Variants in RAI14 observed in about 807,000 individuals in gnomAD.
RAI14 encodes the protein ankycorbin.
In RAI14, 45 loss-of-function variants were observed where a neutral mutation model predicts 115.4. The ratio of observed to expected loss-of-function variants is 0.39; its 90% CI spans 0.31 to 0.50. The LOEUF (loss-of-function observed/expected upper bound fraction) is 0.50, where lower values mean the gene tolerates loss of function less well. RAI14 is among the 20% of genes least tolerant of loss of function. The pLI is 0.85. For missense variants in RAI14, 939 were observed against 1,131.2 expected (o/e 0.83, Z 2.44); for synonymous variants, 371 against 415.4 (o/e 0.89, Z 1.30).
intron 1 of RAI14, 153 bp downstream of exon 1, chr5:34,656,628 C>G (rs1302134776): frequency 6.6e-6 from 1 of 152,390 alleles, no homozygotes; most frequent in African/African-American, 2.4e-5. Context: ...CGCCACCTCT[C>G]CCTGGTCCAC....
intron 13 of RAI14, among the ~76,000 whole-genome samples, chr5:34,819,266 T>C (rs1408741851): frequency 6.6e-6 from 1 of 152,222 alleles, no homozygotes; most frequent in Non-Finnish European, 1.5e-5. Flanking sequence ...TTAGACCTGC[T>C]GCCAGATCTT....
intron 1 of RAI14, among the ~76,000 whole-genome samples, chr5:34,663,338 G>A (rs1016389947): frequency 2.0e-5 from 3 of 152,076 alleles, no homozygotes; most frequent in East Asian, 1.9e-4. Flanking sequence ...GAAACATGGC[G>A]AAACTTTGTC....
intron 2 of RAI14, among the ~76,000 whole-genome samples, chr5:34,747,738 A>G (rs1746474012): frequency 6.6e-6 from 1 of 152,214 alleles, no homozygotes; most frequent in Non-Finnish European, 1.5e-5. Flanking sequence ...TAAAGAGGTT[A>G]ATTAATAGTA....
chr5:34,731,258 T>C (rs558197522), intron 2 of RAI14, among the ~76,000 whole-genome samples: 1 of 152,270 alleles, frequency 6.6e-6, no homozygotes, highest in Non-Finnish European at 1.5e-5. Flanking sequence ...TTAAAATAAA[T>C]AGATAAAAAT....
At chr5:34,783,413 A>T (rs1037922812) in intron 3 of RAI14, among the ~76,000 whole-genome samples, 1 of 152,152 alleles carries the variant, frequency 6.6e-6, no homozygotes, top group East Asian at 1.9e-4. Context: ...GGTTTCAGGT[A>T]TCTTGATGGT....
intron 4 of RAI14, among the ~76,000 whole-genome samples, chr5:34,801,166 A>T (rs1754213524): frequency 6.6e-6 from 1 of 152,270 alleles, no homozygotes; most frequent in South Asian, 2.1e-4. Flanking sequence ...CTCTTCCTTC[A>T]TTTTTAAATT....
At chr5:34,771,743 G>A (rs12658204) in intron 3 of RAI14, among the ~76,000 whole-genome samples, 47,119 of 151,888 alleles carry the variant, frequency 0.31, 7,896 homozygotes, top group Middle Eastern at 0.41. Context: ...CTGTGCTTGG[G>A]TTATATCCCC....
intron 2 of RAI14, among the ~76,000 whole-genome samples, chr5:34,746,635 C>T (rs896442750): frequency 1.3e-5 from 2 of 151,942 alleles, no homozygotes; most frequent in Non-Finnish European, 2.9e-5. Context: ...GAACTCCTGA[C>T]CTCAAGGGAT....
intron 2 of RAI14, among the ~76,000 whole-genome samples, chr5:34,701,104 T>A (rs1319860591): frequency 1.3e-5 from 2 of 152,220 alleles, no homozygotes; most frequent in East Asian, 3.8e-4. Flanking sequence ...CTGATTTTTT[T>A]ATCTTGCACA....
chr5:34,823,653 C>A lies in RAI14; in HGVS notation c.1811C>A (p.Ala604Asp). Residue 604 changes from alanine to aspartate, a missense_variant, in exon 15 of 18, where the codon GCC (alanine) becomes GAC (aspartate). Ala to Asp is a moderately radical substitution (Grantham distance 126). Coordinates refer to ENST00000265109, the MANE Select transcript of RAI14 (RefSeq NM_015577.3). The surrounding 1 kb of genome is among the most constrained non-coding windows in gnomAD (Gnocchi z 4.5). ...KAFLFEKYQE[A>D]QEEIMKLKDT... ...TTTTTGTTTGAGAAATACCAAGAAG[C>A]CCAAGAAGAAATCATGAAATTAAAA... 1 of 1,613,596 alleles carries A rather than the reference C, an allele frequency of 6.2e-7. No homozygotes were observed. Among genetic ancestry groups the A allele is most frequent in the Non-Finnish European group, 8.5e-7 (1 of 1,179,934 alleles).
chr5:34,660,816 G>A (rs909516033), intron 1 of RAI14, among the ~76,000 whole-genome samples: 18 of 146,984 alleles, frequency 1.2e-4, no homozygotes, highest in African/African-American at 4.3e-4. Context: ...TCAGACACAT[G>A]TTACACATGC....
chr5:34,658,078 GCA>G lies in RAI14; in HGVS notation c.-49+1606_-49+1607del, dbSNP rs10551074. On this transcript the variant is annotated intron_variant, in intron 1 of 17. Coordinates refer to ENST00000265109, the MANE Select transcript of RAI14 (RefSeq NM_015577.3). Reference sequence around the variant, plus strand: ...GAGAGCTATCCCGTGCTGGGCTGTTGCACAGTTTTCATCTCCATTCACTGAGA... The same window carrying G: ...GAGAGCTATCCCGTGCTGGGCTGTTGCAGTTTTCATCTCCATTCACTGAGA... Among the ~76,000 whole-genome samples, 698 of 152,286 alleles carry G rather than the reference GCA, an allele frequency of 4.6e-3. 8 individuals are homozygous for G. The highest frequency in any genetic ancestry group is 0.016 in the African/African-American group (665 of 41,548).
intron 3 of RAI14, among the ~76,000 whole-genome samples, chr5:34,793,409 A>T (rs1489504217): frequency 6.6e-6 from 1 of 152,194 alleles, no homozygotes; most frequent in Non-Finnish European, 1.5e-5. Flanking sequence ...AAGAAGCCTC[A>T]GAGTAGAAAA....
At chr5:34,757,687 A>G in intron 3 of RAI14, 89 bp downstream of exon 3, 1 of 1,439,718 alleles carries the variant, frequency 6.9e-7, no homozygotes. Flanking sequence ...GGAATTTCAC[A>G]CGTGCTCCCT....
Position 34,823,533 on chromosome 5 carries a change from A to G in RAI14, c.1691A>G (p.Glu564Gly), listed in dbSNP as rs757914058. Residue 564 changes from glutamate (E) to glycine (G), a missense_variant, in exon 15 of 18, where the codon GAG becomes GGG. Transcript: ENST00000265109. The surrounding 1 kb of genome is among the most constrained non-coding windows in gnomAD (Gnocchi z 4.5). ...RELEEKLVER[E>G]KGTVIKPPVE... ...TTAGAGGAAAAACTGGTAGAGAGGG[A>G]GAAAGGTACAGTGATTAAGCCACCT... The G allele has an allele frequency of 6.2e-7, 1 of 1,614,200 alleles. No homozygotes were observed. Among genetic ancestry groups the G allele is most frequent in the Admixed American group, 1.7e-5 (1 of 60,028 alleles).
intron 5 of RAI14, among the ~76,000 whole-genome samples, chr5:34,804,098 C>T (rs889677717): frequency 3.3e-5 from 5 of 152,092 alleles, no homozygotes; most frequent in Admixed American, 1.3e-4. Flanking sequence ...TTTAAAACAT[C>T]GGTTTCTAAG....
chr5:34,664,437 A>G (rs1334987456), intron 1 of RAI14, among the ~76,000 whole-genome samples: 3 of 151,394 alleles, frequency 2.0e-5, no homozygotes, highest in Non-Finnish European at 4.4e-5. Context: ...AAAAGGAAAG[A>G]AAAAAATTGA....
At chr5:34,808,735 C>A in intron 7 of RAI14, 81 bp downstream of exon 7, 2 of 1,343,658 alleles carry the variant, frequency 1.5e-6, no homozygotes, top group South Asian at 1.2e-5. Context: ...GTCACTGAGA[C>A]TTTAGACTAG....
At chr5:34,666,991 C>T (rs890045931) in intron 1 of RAI14, among the ~76,000 whole-genome samples, 7 of 151,972 alleles carry the variant, frequency 4.6e-5, no homozygotes, top group South Asian at 2.1e-4. Flanking sequence ...AATGGGGTGG[C>T]GGTGGTGGGA....
Sources: allele counts gnomAD v4.1 joint callset (sites outside exome capture counted in the v4.1 genomes callset), GRCh38; gene constraint gnomAD v4.1.1; non-coding constraint Gnocchi (gnomAD v3.1); transcripts MANE v1.5; gene names NCBI Gene and HGNC (gene_info 2026-07-23, HGNC 2026-07-21).